ALK: variants seen among roughly 807,000 people sequenced by gnomAD.
The protein encoded by ALK is ALK tyrosine kinase receptor.
ALK carries 74 observed loss-of-function variants against 163.1 expected under a neutral mutation model. The ratio of observed to expected loss-of-function variants is 0.45; its 90% confidence interval spans 0.38 to 0.55. ALK has a LOEUF of 0.55. ALK is among the 20% of genes least tolerant of loss of function. The pLI is 0.00. For missense variants in ALK, 2,063 were observed against 2,105.3 expected (o/e 0.98, Z 0.39); for synonymous variants, 960 against 843.2 (o/e 1.14, Z -2.40).
chr2:29,708,686 A>C (rs966499452), intron 2 of ALK, among the ~76,000 whole-genome samples: 2 of 152,150 alleles, frequency 1.3e-5, no homozygotes, highest in African/African-American at 4.8e-5. Flanking sequence ...TTGAGAAGAA[A>C]ATGAACCCTT....
chr2:29,561,921 T>C (rs1231565670), intron 3 of ALK, among the ~76,000 whole-genome samples: 2 of 152,052 alleles, frequency 1.3e-5, no homozygotes, highest in African/African-American at 2.4e-5. Context: ...GTCTAAGTAG[T>C]GATGTTTCAA....
chr2:29,586,738 G>T (rs1395755304), intron 3 of ALK, among the ~76,000 whole-genome samples: 1 of 152,120 alleles, frequency 6.6e-6, no homozygotes, highest in Non-Finnish European at 1.5e-5. Context: ...TCTCCCCATT[G>T]CTACCTACCA....
chr2:29,861,023 G>A (rs1029001218), intron 1 of ALK, among the ~76,000 whole-genome samples: 7 of 152,180 alleles, frequency 4.6e-5, no homozygotes, highest in Admixed American at 2.6e-4. Flanking sequence ...AATAAAAAAA[G>A]TGGTTGGGTA....
chr2:29,523,927 G>T (rs1342667943), intron 4 of ALK, among the ~76,000 whole-genome samples: 10 of 113,314 alleles, frequency 8.8e-5, no homozygotes, highest in South Asian at 3.1e-4. Flanking sequence ...AGTAAAAGTT[G>T]TACCTGCCAG....
intron 4 of ALK, among the ~76,000 whole-genome samples, chr2:29,465,336 T>C (rs750588806): frequency 2.1e-4 from 32 of 152,166 alleles, no homozygotes; most frequent in Non-Finnish European, 2.9e-5. Flanking sequence ...AACATAAACA[T>C]CCTTTCAAAA....
chr2:29,598,808 A>G (rs1675292011), intron 3 of ALK, among the ~76,000 whole-genome samples: 1 of 152,196 alleles, frequency 6.6e-6, no homozygotes, highest in Admixed American at 6.5e-5. Flanking sequence ...TATTTGATGA[A>G]TATTCTATAA....
chr2:29,503,334 C>T (rs868848069), intron 4 of ALK, among the ~76,000 whole-genome samples: 87 of 152,178 alleles, frequency 5.7e-4, no homozygotes, highest in African/African-American at 2.1e-3. Flanking sequence ...AGGGACTGCT[C>T]TTCCACTTAA....
At chr2:29,574,810 T>G (rs1365317446) in intron 3 of ALK, among the ~76,000 whole-genome samples, 1 of 152,216 alleles carries the variant, frequency 6.6e-6, no homozygotes, top group African/African-American at 2.4e-5. Flanking sequence ...AGCCCGCATT[T>G]TCTGCTCTGG....
chr2:29,470,698 T>A (rs1671327752), intron 4 of ALK, among the ~76,000 whole-genome samples: 1 of 151,872 alleles, frequency 6.6e-6, no homozygotes. Flanking sequence ...TTTTTTTTTT[T>A]TTGCCAGCAG....
intron 8 of ALK, among the ~76,000 whole-genome samples, chr2:29,305,010 G>A (rs530799906): frequency 1.3e-5 from 2 of 152,288 alleles, no homozygotes; most frequent in East Asian, 1.9e-4. Flanking sequence ...CCTGGGCATC[G>A]GCAGATTTTA....
intron 1 of ALK, among the ~76,000 whole-genome samples, chr2:29,811,173 G>T (rs1266715190): frequency 5.3e-5 from 8 of 152,140 alleles, no homozygotes; most frequent in Non-Finnish European, 8.8e-5. Context: ...CAGTGCTGAG[G>T]TCGAAGGCCA....
At chr2:29,270,520 T>C (rs1054331940) in intron 11 of ALK, among the ~76,000 whole-genome samples, 1 of 152,204 alleles carries the variant, frequency 6.6e-6, no homozygotes, top group African/African-American at 2.4e-5. Flanking sequence ...TTTTTGCTAA[T>C]CAAACTTTCC....
At chr2:29,778,250 C>A (rs531087846) in intron 1 of ALK, among the ~76,000 whole-genome samples, 2 of 152,260 alleles carry the variant, frequency 1.3e-5, no homozygotes, top group Non-Finnish European at 2.9e-5. Context: ...CACCTCTAAG[C>A]GAATCCAATG....
intron 4 of ALK, among the ~76,000 whole-genome samples, chr2:29,428,752 G>T (rs778698158): frequency 6.6e-6 from 1 of 151,886 alleles, no homozygotes; most frequent in African/African-American, 2.4e-5. Flanking sequence ...ACTTCCCAAC[G>T]CATTCTACGA....
At chr2:29,225,674 C>T in intron 18 of ALK, 109 bp from the exon 19 acceptor site, 1 of 897,368 alleles carries the variant, frequency 1.1e-6, no homozygotes, top group Non-Finnish European at 1.8e-6. Context: ...CTTGCTCCTT[C>T]CCATCGCTGG....
intron 9 of ALK, among the ~76,000 whole-genome samples, chr2:29,283,596 G>A (rs1248802452): frequency 6.6e-6 from 1 of 152,054 alleles, no homozygotes; most frequent in Non-Finnish European, 1.5e-5. Flanking sequence ...AGTCTTTTCT[G>A]CTTGGTGAGG....
intron 11 of ALK, among the ~76,000 whole-genome samples, chr2:29,259,505 A>G (rs1665030845): frequency 6.6e-6 from 1 of 152,146 alleles, no homozygotes; most frequent in African/African-American, 2.4e-5. Flanking sequence ...TCACTGGAGA[A>G]ATATTCCTTG....
chr2:29,565,962 G>T (rs1012128133), intron 3 of ALK, among the ~76,000 whole-genome samples: 1 of 152,176 alleles, frequency 6.6e-6, no homozygotes, highest in Non-Finnish European at 1.5e-5. Context: ...TTGTGGGACA[G>T]CACCTGTCAG....
At chr2:29,831,963 G>T (rs1172868006) in intron 1 of ALK, among the ~76,000 whole-genome samples, 1 of 152,184 alleles carries the variant, frequency 6.6e-6, no homozygotes, top group Admixed American at 6.5e-5. Context: ...CTCCAACTGG[G>T]TATGGTCTTA....
Sources: gnomAD v4.1 joint callset for allele counts (sites outside exome capture counted in the v4.1 genomes callset) on GRCh38, gnomAD v4.1.1 for gene constraint, MANE v1.5 for transcripts, NCBI Gene and HGNC (gene_info 2026-07-23, HGNC 2026-07-21) for gene names.